PPIP5K1: variants seen among roughly 807,000 people sequenced by gnomAD.
PPIP5K1 encodes the protein diphosphoinositol pentakisphosphate kinase 1, also known as inositol hexakisphosphate and diphosphoinositol-pentakisphosphate kinase 1.
A neutral mutation model predicts 27.7 loss-of-function variants in PPIP5K1; 6 were observed. The observed-to-expected ratio is 0.22, with a 90% confidence interval of 0.12 to 0.43. PPIP5K1 has a LOEUF of 0.43. PPIP5K1 is among the 20% of genes least tolerant of loss of function. PPIP5K1 has a pLI of 1.00. For missense variants in PPIP5K1, 394 were observed against 635.4 expected, an observed-to-expected ratio of 0.62 and a Z score of 4.08; for synonymous variants, 145 against 242.6, an observed-to-expected ratio of 0.60 and a Z score of 3.74.
chr15:43,559,572 T>C lies in PPIP5K1; in HGVS notation c.3419-640A>G, dbSNP rs1267908840. On this transcript the variant is annotated intron_variant, in intron 29 of 31. Coordinates refer to ENST00000420765, the MANE Select transcript of PPIP5K1 (RefSeq NM_001394395.1). Reference sequence around the variant, plus strand: ...AATTTCCATCACATCAAAGCTTCACTCTTCTGATCTACTGGAAAACCCCAG... The same window carrying C: ...AATTTCCATCACATCAAAGCTTCACCCTTCTGATCTACTGGAAAACCCCAG... Among the ~76,000 whole-genome samples the C allele has an allele frequency of 8.5e-5, 13 of 152,302 alleles. No individual in the cohort carries two copies. In the East Asian group the frequency reaches 1.2e-3, roughly 14 times the overall value.
At chr15:43,554,805 T>TATAATTAA (rs1419106086) in intron 30 of PPIP5K1, among the ~76,000 whole-genome samples, 1 of 152,050 alleles carries the variant, frequency 6.6e-6, no homozygotes, top group Non-Finnish European at 1.5e-5. Flanking sequence ...ATATTATAAT[T>TATAATTAA]ATAATTAAAT....
chr15:43,556,161 A>C (rs1219127137), intron 30 of PPIP5K1, among the ~76,000 whole-genome samples: 1 of 151,698 alleles, frequency 6.6e-6, no homozygotes, highest in East Asian at 1.9e-4. Flanking sequence ...CTACTAAAAA[A>C]ATACAAAAAT....
intron 30 of PPIP5K1, among the ~76,000 whole-genome samples, chr15:43,543,449 A>C (rs906781351): frequency 8.5e-5 from 13 of 152,152 alleles, no homozygotes; most frequent in South Asian, 2.1e-4. Context: ...CAAAACAAAA[A>C]AAAAACTCCT....
chr15:43,535,357 C>T lies in PPIP5K1; in HGVS notation c.3790G>A (p.Glu1264Lys). The part of the protein sequence containing the change: ...QPSLNSHVAE[E>K]HQGLGLLQET... ...TGGAGCAGCCCAAGGCCTTGATGTT[C>T]TTCAGCCACGTGTGAATTTAGGGAG... The change falls in exon 32 of 32, where the codon GAA (glutamate) becomes AAA (lysine). Residue 1264 changes from glutamate to lysine, a missense_variant. Transcript: ENST00000420765. 2 of 1,614,170 alleles carry T rather than the reference C, an allele frequency of 1.2e-6. No individual in the cohort carries two copies. The highest frequency in any genetic ancestry group is 1.7e-6 in the Non-Finnish European group (2 of 1,180,032).
intron 30 of PPIP5K1, among the ~76,000 whole-genome samples, chr15:43,550,697 GA>G (rs2140867301): frequency 6.6e-6 from 1 of 152,210 alleles, no homozygotes; most frequent in African/African-American, 2.4e-5. Context: ...ATCTTAGAGG[GA>G]AAGCCTTCAG....
At chr15:43,559,169 T>C (rs1253726206) in intron 29 of PPIP5K1, among the ~76,000 whole-genome samples, 2 of 152,184 alleles carry the variant, frequency 1.3e-5, no homozygotes, top group Non-Finnish European at 2.9e-5. Flanking sequence ...TCAAATCACC[T>C]TTCATGCTAC....
intron 30 of PPIP5K1, among the ~76,000 whole-genome samples, chr15:43,558,257 C>T (rs1352756041): frequency 1.3e-5 from 2 of 148,614 alleles, no homozygotes; most frequent in Admixed American, 6.7e-5. Context: ...GAGATGGAGT[C>T]TCACTCTGTT....
In PPIP5K1 at chr15:43,538,714, G is replaced by A. The variant is rs560625239; in HGVS notation, c.3670+756C>T. Among the ~76,000 whole-genome samples the A allele has an allele frequency of 2.0e-5, 3 of 152,026 alleles. No homozygotes were observed. The South Asian group carries it at 6.2e-4, about 32-fold the overall frequency. On this transcript the variant is annotated intron_variant, in intron 31 of 31. Coordinates refer to ENST00000420765, the MANE Select transcript of PPIP5K1 (RefSeq NM_001394395.1). Reference sequence around the variant, plus strand: ...TTTTAGTAGAGACAGGGGTTTCACCGTGTTAGCCAGGATGGTCTCAATCTC... The same window carrying A: ...TTTTAGTAGAGACAGGGGTTTCACCATGTTAGCCAGGATGGTCTCAATCTC...
Position 43,558,909 on chromosome 15 carries a change from G to C in PPIP5K1, c.3442C>G (p.Pro1148Ala). The change falls in exon 30 of 32, where the codon CCT becomes GCT. Residue 1148 changes from proline (P) to alanine (A), a missense_variant. Physicochemically the swap from Pro to Ala is conservative, Grantham distance 27 (BLOSUM62 -1). This residue lies in a region of PPIP5K1 where 379 missense variants were observed against 423.9 expected (regional missense o/e 0.89). Transcript: ENST00000420765. ...AGTGTTTCCAGAGGGTAGATGGTAG[G>C]CACCATGGAACACCCTTCAAACCCT... Reference protein sequence around the residue: ...LYGFEGCSMVPTIYPLETLHN... With the variant: ...LYGFEGCSMVATIYPLETLHN... The C allele has an allele frequency of 6.2e-7, 1 of 1,613,724 alleles. No homozygotes were observed. The highest frequency in any genetic ancestry group is 8.5e-7 in the Non-Finnish European group (1 of 1,179,998).
At position 43,558,788 on chromosome 15, in the gene PPIP5K1, T is replaced by A; in HGVS notation, c.3556+7A>T. ...AGAGAAGGGTAAAAAAATAAGAATA[T>A]CCCTACCTGCAGATGCCTGTGCCTG... On this transcript the variant is annotated splice_region_variant and intron_variant, in intron 30 of 31. Transcript: ENST00000420765. 1 of 1,613,620 alleles carries A rather than the reference T, an allele frequency of 6.2e-7. No homozygotes were observed. The highest frequency in any genetic ancestry group is 8.5e-7 in the Non-Finnish European group (1 of 1,179,996).
intron 26 of PPIP5K1, among the ~76,000 whole-genome samples, chr15:43,565,574 G>C (rs1481085838): frequency 1.4e-5 from 2 of 146,242 alleles, no homozygotes; most frequent in Non-Finnish European, 3.0e-5. Flanking sequence ...TTTTAAGACA[G>C]GGTCTCACTC....
intron 30 of PPIP5K1, 24 bp downstream of exon 30, chr15:43,558,771 G>A (rs2083382758): frequency 1.2e-6 from 2 of 1,612,362 alleles, no homozygotes; most frequent in African/African-American, 2.7e-5. Context: ...AGAGAGAAGG[G>A]TAAAAAAATA....
At chr15:43,550,056 T>C (rs563606421) in intron 30 of PPIP5K1, among the ~76,000 whole-genome samples, 3 of 152,302 alleles carry the variant, frequency 2.0e-5, no homozygotes, top group African/African-American at 7.2e-5. Context: ...TCCTCCCGCC[T>C]TAGCCTCTCA....
chr15:43,542,440 T>A (rs1008818155), intron 30 of PPIP5K1, among the ~76,000 whole-genome samples: 1 of 151,610 alleles, frequency 6.6e-6, no homozygotes, highest in Non-Finnish European at 1.5e-5. Context: ...TACAGGCGCA[T>A]AGCACAATGC....
intron 30 of PPIP5K1, among the ~76,000 whole-genome samples, chr15:43,548,885 G>A (rs957839715): frequency 6.6e-6 from 1 of 150,704 alleles, no homozygotes; most frequent in Non-Finnish European, 1.5e-5. Flanking sequence ...AAAATTAGCT[G>A]GGCATGATGG....
intron 31 of PPIP5K1, 152 bp from the exon 32 acceptor site, chr15:43,535,628 T>A: frequency 1.5e-6 from 1 of 656,116 alleles, no homozygotes; most frequent in Non-Finnish European, 2.5e-6. Flanking sequence ...CAGAGACTCC[T>A]AAGTTTGCTT....
chr15:43,543,002 T>C (rs970949217), intron 30 of PPIP5K1, among the ~76,000 whole-genome samples: 1 of 152,012 alleles, frequency 6.6e-6, no homozygotes, highest in Non-Finnish European at 1.5e-5. Context: ...GCCCAAATTG[T>C]CCCAATTTTG....
chr15:43,534,349 A>G lies in PPIP5K1; in HGVS notation c.*325T>C. 2 of 223,072 alleles carry G rather than the reference A, an allele frequency of 9.0e-6. No individual in the cohort carries two copies. The highest frequency in any genetic ancestry group is 1.6e-4 in the South Asian group (1 of 6,104). The allele number at this position is 223,072 out of a possible 1,614,324, so 13.8% of individuals were successfully genotyped here. The stretch of plus-strand genomic sequence containing the variant: ...AGTCTAATGGCTAAGTGAGGAGCCA[A>G]TGGCTTCTTCGAACCTAAAACTGGC... On this transcript the variant is annotated 3_prime_UTR_variant, in exon 32 of 32. Coordinates refer to ENST00000420765, the MANE Select transcript of PPIP5K1 (RefSeq NM_001394395.1).
intron 30 of PPIP5K1, among the ~76,000 whole-genome samples, chr15:43,546,501 G>C (rs570355053): frequency 9.9e-5 from 15 of 152,146 alleles, no homozygotes; most frequent in African/African-American, 3.4e-4. Context: ...ATGTTGTCCA[G>C]GCTGGTCTTG....
Sources: gnomAD v4.1 joint callset for allele counts (sites outside exome capture counted in the v4.1 genomes callset) on GRCh38, gnomAD v4.1.1 for gene constraint, gnomAD v4.1.1 regional missense constraint, MANE v1.5 for transcripts, NCBI Gene and HGNC (gene_info 2026-07-23, HGNC 2026-07-21) for gene names.